The following TC2N variants were observed in gnomAD, a reference collection of about 807,000 sequenced individuals.
TC2N encodes tandem C2 domains, nuclear, also known as tandem C2 domains nuclear protein.
A neutral mutation model predicts 61.9 loss-of-function variants in TC2N; 51 were observed. That is an observed-to-expected ratio of 0.82 (90% confidence interval 0.66 to 1.04). The LOEUF is 1.04. Ranked by LOEUF, TC2N falls within the 50% of genes least tolerant of loss-of-function variation. The probability of loss-of-function intolerance (pLI) is 0.00; values close to 1 mark genes in which losing one functional copy is unlikely to be tolerated. For synonymous variants in TC2N, 204 were observed against 192.6 expected, an observed-to-expected ratio of 1.06 and a Z score of -0.49; for missense variants, 556 against 566.7, an observed-to-expected ratio of 0.98 and a Z score of 0.19.
At chr14:91,787,132 G>T (rs549871621) in intron 10 of TC2N, among the ~76,000 whole-genome samples, 75 of 152,158 alleles carry the variant, frequency 4.9e-4, no homozygotes, top group Non-Finnish European at 2.9e-5. Flanking sequence ...GTTTGTTTTT[G>T]ATATATATAT....
chr14:91,790,721 T>C (rs537579728), intron 9 of TC2N, among the ~76,000 whole-genome samples: 11 of 152,332 alleles, frequency 7.2e-5, no homozygotes, highest in African/African-American at 2.6e-4. Context: ...GAATAGTCTA[T>C]TTGTGCCTTC....
In TC2N at chr14:91,780,299, T is replaced by A. The variant is rs968761313; in HGVS notation, c.*2801A>T. 1 of 152,218 alleles carries A rather than the reference T, an allele frequency of 6.6e-6. No individual in the cohort carries two copies. Among genetic ancestry groups the A allele is most frequent in the African/African-American group, 2.4e-5 (1 of 41,464 alleles). 9.4% of individuals were successfully genotyped at this position (152,218 alleles called of 1,614,324 possible). On this transcript the variant is annotated 3_prime_UTR_variant, in exon 12 of 12. Transcript: ENST00000435962. ...TGGAAAATGTTACTAGGAGATATAG[T>A]TTATACCTGGCTGTTGAGTACATTA... is the stretch of plus-strand genomic sequence containing the variant.
chr14:91,840,944 A>G (rs1469322505), intron 1 of TC2N, among the ~76,000 whole-genome samples: 2 of 152,140 alleles, frequency 1.3e-5, no homozygotes, highest in Non-Finnish European at 1.5e-5. Context: ...CCTTCCTCAA[A>G]ACACCCATCT....
intron 8 of TC2N, among the ~76,000 whole-genome samples, chr14:91,796,971 T>TTATG (rs1555369131): frequency 2.0e-5 from 3 of 151,894 alleles, no homozygotes; most frequent in Non-Finnish European, 2.9e-5. Flanking sequence ...TTTTATATAT[T>TTATG]TTTGTATTTT....
chr14:91,815,270 C>T (rs957831627), intron 1 of TC2N, among the ~76,000 whole-genome samples: 1 of 151,456 alleles, frequency 6.6e-6, no homozygotes, highest in African/African-American at 2.4e-5. Context: ...TGTGAGAAAA[C>T]ATTCACTTCC....
chr14:91,804,447 T>A (rs1473526424), intron 3 of TC2N, among the ~76,000 whole-genome samples: 2 of 152,116 alleles, frequency 1.3e-5, no homozygotes, highest in Non-Finnish European at 2.9e-5. Context: ...CAAAATTCCA[T>A]CAACAGTAAA....
At chr14:91,789,102 T>C (rs1490488167) in intron 9 of TC2N, among the ~76,000 whole-genome samples, 1 of 152,226 alleles carries the variant, frequency 6.6e-6, no homozygotes, top group Non-Finnish European at 1.5e-5. Flanking sequence ...ATTACAGTTT[T>C]GTACCCACAA....
intron 1 of TC2N, among the ~76,000 whole-genome samples, chr14:91,853,951 C>G (rs541602396): frequency 6.6e-6 from 1 of 151,802 alleles, no homozygotes; most frequent in Non-Finnish European, 1.5e-5. Flanking sequence ...TCAAAATATT[C>G]GTGTAACCTA....
At chr14:91,795,012 T>A (rs1028600825) in intron 8 of TC2N, among the ~76,000 whole-genome samples, 3 of 152,246 alleles carry the variant, frequency 2.0e-5, no homozygotes, top group Admixed American at 2.0e-4. Context: ...TTTATTCTAA[T>A]CCTCATGGCT....
chr14:91,785,649 G>T (rs1885329861), intron 10 of TC2N, among the ~76,000 whole-genome samples: 5 of 152,104 alleles, frequency 3.3e-5, no homozygotes, highest in Admixed American at 3.3e-4. Context: ...CACAGTAAAA[G>T]AGTGCACACT....
At chr14:91,798,039 C>T (rs3759706) in intron 7 of TC2N, 138 bp from the exon 8 acceptor site, 18,098 of 598,250 alleles carry the variant, frequency 0.03, 1,454 homozygotes, top group African/African-American at 0.22. Context: ...GTTGCATCCA[C>T]ATTAAGCAAA....
At chr14:91,864,387 TG>T (rs1336586653) in intron 1 of TC2N, among the ~76,000 whole-genome samples, 1 of 152,192 alleles carries the variant, frequency 6.6e-6, no homozygotes, top group African/African-American at 2.4e-5. Context: ...TTGGCTTTTT[TG>T]GTAAGTTTTC....
In TC2N at chr14:91,782,337, A is replaced by G. The variant is rs1331359217; in HGVS notation, c.*763T>C. Reference sequence around the variant, plus strand: ...TTAATTCTGTGAATTAGGATGGACCATATGGATGATACTCTTATTTTAACT... The same window carrying G: ...TTAATTCTGTGAATTAGGATGGACCGTATGGATGATACTCTTATTTTAACT... On this transcript the variant is annotated 3_prime_UTR_variant, in exon 12 of 12. Coordinates refer to ENST00000435962, the MANE Select transcript of TC2N (RefSeq NM_001128596.3). The G allele has an allele frequency of 1.3e-5, 2 of 152,198 alleles. No individual in the cohort carries two copies. Among genetic ancestry groups the G allele is most frequent in the South Asian group, 4.1e-4 (2 of 4,832 alleles). 9.4% of individuals were successfully genotyped at this position (152,198 alleles called of 1,614,324 possible).
At chr14:91,828,803 T>C (rs1011826144) in intron 1 of TC2N, among the ~76,000 whole-genome samples, 20 of 152,026 alleles carry the variant, frequency 1.3e-4, no homozygotes, top group African/African-American at 4.8e-4. Context: ...GATTTTTAGG[T>C]TTGACTTTTT....
At chr14:91,800,410 A>C in intron 4 of TC2N, 38 bp from the exon 5 acceptor site, 1 of 1,181,044 alleles carries the variant, frequency 8.5e-7, no homozygotes, top group South Asian at 1.5e-5. Context: ...ATTTTTAAGA[A>C]ACACTGGAAT....
At chr14:91,800,882 TTAAA>T (rs938156067) in intron 4 of TC2N, among the ~76,000 whole-genome samples, 3 of 151,956 alleles carry the variant, frequency 2.0e-5, no homozygotes, top group Non-Finnish European at 2.9e-5. Context: ...AGGCAGGCCC[TTAAA>T]TAAGCATTTC....
intron 1 of TC2N, among the ~76,000 whole-genome samples, chr14:91,819,880 C>T (rs1158534888): frequency 1.3e-5 from 2 of 151,674 alleles, no homozygotes; most frequent in African/African-American, 4.8e-5. Context: ...CCTAACACAA[C>T]CACTAAAATA....
chr14:91,833,443 G>A (rs1204057122), intron 1 of TC2N, among the ~76,000 whole-genome samples: 2 of 151,766 alleles, frequency 1.3e-5, no homozygotes, highest in African/African-American at 2.4e-5. Flanking sequence ...CTTTACTGAG[G>A]TATAATTTAC....
At chr14:91,788,116 G>A (rs1183708370) in intron 9 of TC2N, among the ~76,000 whole-genome samples, 5 of 152,052 alleles carry the variant, frequency 3.3e-5, no homozygotes, top group African/African-American at 1.2e-4. Context: ...TGTGGATTAA[G>A]AGTGAATTAC....
Sources: gnomAD v4.1 joint callset for allele counts (sites outside exome capture counted in the v4.1 genomes callset) on GRCh38, gnomAD v4.1.1 for gene constraint, MANE v1.5 for transcripts, NCBI Gene and HGNC (gene_info 2026-07-23, HGNC 2026-07-21) for gene names.